CYB5R4: variants seen among roughly 807,000 people sequenced by gnomAD.
The protein encoded by CYB5R4 is N-terminal cytochrome b5 and cytochrome b5 oxidoreductase domain-containing protein.
Under a neutral mutation model 70.2 loss-of-function variants are expected in CYB5R4, and 55 were observed. That is an observed-to-expected ratio of 0.78 (90% CI 0.63 to 0.98). The LOEUF (loss-of-function observed/expected upper bound fraction) is 0.98, where lower values mean the gene tolerates loss of function less well. Among genes scored for constraint, CYB5R4 ranks in the 50% least tolerant of loss-of-function variants. The pLI, the probability that CYB5R4 is intolerant of heterozygous loss-of-function variation, is 0.00. For missense variants in CYB5R4, 562 were observed against 612.6 expected (o/e 0.92, Z 0.87); for synonymous variants, 197 against 199.5 (o/e 0.99, Z 0.11).
At chr6:83,881,911 T>G (rs891145806) in intron 2 of CYB5R4, among the ~76,000 whole-genome samples, 2 of 152,260 alleles carry the variant, frequency 1.3e-5, no homozygotes, top group African/African-American at 2.4e-5. Flanking sequence ...TAAAATCAAT[T>G]TGTCTTTCAT....
chr6:83,945,106 A>G (rs2099470362), intron 14 of CYB5R4, among the ~76,000 whole-genome samples: 1 of 152,200 alleles, frequency 6.6e-6, no homozygotes, highest in Non-Finnish European at 1.5e-5. Context: ...CTTCACCCCA[A>G]ATCAACAGGA....
At chr6:83,939,746 T>C (rs1376082614) in intron 12 of CYB5R4, among the ~76,000 whole-genome samples, 1 of 152,196 alleles carries the variant, frequency 6.6e-6, no homozygotes, top group Non-Finnish European at 1.5e-5. Context: ...GGATAAGTAC[T>C]TTGCAGTAGT....
At chr6:83,897,740 G>A (rs2099462147) in intron 3 of CYB5R4, among the ~76,000 whole-genome samples, 1 of 151,600 alleles carries the variant, frequency 6.6e-6, no homozygotes, top group Middle Eastern at 3.2e-3. Flanking sequence ...TTTGGATGGG[G>A]TTGTTTTTTT....
At chr6:83,941,934 A>G (rs547225587) in intron 14 of CYB5R4, among the ~76,000 whole-genome samples, 14 of 152,216 alleles carry the variant, frequency 9.2e-5, no homozygotes, top group Non-Finnish European at 1.9e-4. Flanking sequence ...CTTTATTCAC[A>G]AATTACTTAC....
At chr6:83,930,736 A>G (rs989294158) in intron 10 of CYB5R4, among the ~76,000 whole-genome samples, 1 of 152,062 alleles carries the variant, frequency 6.6e-6, no homozygotes, top group East Asian at 1.9e-4. Context: ...GGCATCTAGA[A>G]TGGTGAAACT....
chr6:83,924,619 AT>A, intron 10 of CYB5R4, 27 bp downstream of exon 10: 1 of 1,604,906 alleles, frequency 6.2e-7, no homozygotes, highest in Non-Finnish European at 8.5e-7. Context: ...TGTTACGTTA[AT>A]TTCACATTCA....
At chr6:83,931,547 C>T (rs985704237) in intron 10 of CYB5R4, among the ~76,000 whole-genome samples, 8 of 152,134 alleles carry the variant, frequency 5.3e-5, no homozygotes, top group African/African-American at 1.4e-4. Flanking sequence ...GTCTTATTAT[C>T]CTCAGTATTT....
At chr6:83,937,836 GGAAT>G (rs2129142726) in intron 12 of CYB5R4, among the ~76,000 whole-genome samples, 1 of 152,266 alleles carries the variant, frequency 6.6e-6, no homozygotes, top group South Asian at 2.1e-4. Context: ...GTACTTTGAA[GGAAT>G]GAATAAAGAA....
intron 9 of CYB5R4, 31 bp downstream of exon 9, chr6:83,922,501 GTACGTACATATACACATACCTAC>G: frequency 6.4e-7 from 1 of 1,556,956 alleles, no homozygotes; most frequent in African/African-American, 1.4e-5. Context: ...AATTATGTAT[GTACGTACATATACACATACCTAC>G]AGAGAGAGAG....
intron 2 of CYB5R4, among the ~76,000 whole-genome samples, chr6:83,866,636 G>A (rs1193473589): frequency 6.6e-6 from 1 of 151,538 alleles, no homozygotes; most frequent in East Asian, 1.9e-4. Context: ...TTATAAAGGA[G>A]ACAGGATCTC....
chr6:83,941,050 T>G (rs2099469686), intron 14 of CYB5R4, among the ~76,000 whole-genome samples: 1 of 152,218 alleles, frequency 6.6e-6, no homozygotes, highest in South Asian at 2.1e-4. Flanking sequence ...GAATTTTTTA[T>G]GCATTGCTTA....
chr6:83,882,714 G>A (rs1031416420), intron 2 of CYB5R4, among the ~76,000 whole-genome samples: 4 of 152,196 alleles, frequency 2.6e-5, no homozygotes, highest in Admixed American at 6.5e-5. Context: ...CAGGCCCGGC[G>A]TGGTGGCTCA....
At chr6:83,879,293 C>A (rs1409446776) in intron 2 of CYB5R4, among the ~76,000 whole-genome samples, 1 of 152,076 alleles carries the variant, frequency 6.6e-6, no homozygotes, top group African/African-American at 2.4e-5. Flanking sequence ...AGCAGTTTCC[C>A]TGTCTCTTTT....
At chr6:83,909,550 G>A (rs1437400940) in intron 4 of CYB5R4, among the ~76,000 whole-genome samples, 1 of 152,036 alleles carries the variant, frequency 6.6e-6, no homozygotes, top group East Asian at 1.9e-4. Flanking sequence ...CCCTAGCTCT[G>A]AGATGGAAGA....
At position 83,962,192 on chromosome 6, in the gene CYB5R4, C is replaced by G. The variant is rs1478141931; in HGVS notation, c.*2314C>G. ...TCTGACTCTTCCATACCAGCTAACC[C>G]TGTCCTATCATCCCTCAGCTGGATT... On this transcript the variant is annotated 3_prime_UTR_variant, in exon 16 of 16. Transcript: ENST00000369681. 1.3e-5 allele frequency: 2 copies of G among 152,218 alleles called. No homozygotes were observed. Among genetic ancestry groups the G allele is most frequent in the African/African-American group, 2.4e-5 (1 of 41,452 alleles). The allele number at this position is 152,218 out of a possible 1,614,324, so 9.4% of individuals were successfully genotyped here. A position where few individuals can be genotyped will look rare whatever the true frequency, so the allele number is the denominator to read the frequency against.
chr6:83,882,716 GGTGGCTC>G (rs1380613834), intron 2 of CYB5R4, among the ~76,000 whole-genome samples: 1 of 152,138 alleles, frequency 6.6e-6, no homozygotes, highest in African/African-American at 2.4e-5. Context: ...GGCCCGGCGT[GGTGGCTC>G]ACGCCTATAA....
chr6:83,905,457 T>C (rs1003298682), intron 3 of CYB5R4, among the ~76,000 whole-genome samples: 1 of 152,154 alleles, frequency 6.6e-6, no homozygotes, highest in African/African-American at 2.4e-5. Context: ...TGTGCAGTAG[T>C]GTAGTCTCTA....
chr6:83,890,947 CTG>C (rs1360422642), intron 2 of CYB5R4, among the ~76,000 whole-genome samples: 23 of 150,898 alleles, frequency 1.5e-4, no homozygotes, highest in African/African-American at 1.7e-4. Flanking sequence ...GTAAACATAA[CTG>C]TTATTTATTT....
intron 3 of CYB5R4, among the ~76,000 whole-genome samples, chr6:83,898,308 G>A (rs1176545611): frequency 6.6e-6 from 1 of 152,084 alleles, no homozygotes; most frequent in Non-Finnish European, 1.5e-5. Context: ...GCTCTGTTCT[G>A]TTCCATTGGT....
Sources: gnomAD v4.1 joint callset for allele counts (sites outside exome capture counted in the v4.1 genomes callset) on GRCh38, gnomAD v4.1.1 for gene constraint, MANE v1.5 for transcripts, NCBI Gene and HGNC (gene_info 2026-07-23, HGNC 2026-07-21) for gene names.